Variants in GPC3 observed in about 807,000 individuals in gnomAD.
GPC3 encodes the protein glypican-3.
GPC3 carries 3 observed loss-of-function variants against 34.4 expected under a neutral mutation model. The observed-to-expected ratio is 0.09, with a 90% CI of 0.04 to 0.23. The LOEUF is 0.23. GPC3 is among the 10% of genes least tolerant of loss of function. The pLI is 1.00. For synonymous variants in GPC3, 177 were observed against 174.0 expected (o/e 1.02, Z -0.13); for missense variants, 351 against 445.6 (o/e 0.79, Z 1.91).
chrX:133,771,512 C>T (rs1391325784), intron 2 of GPC3, among the ~76,000 whole-genome samples: 1 of 112,029 alleles, frequency 8.9e-6, no homozygotes, highest in Non-Finnish European at 1.9e-5. Flanking sequence ...ACCTCACTAG[C>T]CTGACCCAAA....
intron 4 of GPC3, among the ~76,000 whole-genome samples, chrX:133,698,440 T>C (rs1293945263): frequency 8.9e-6 from 1 of 112,253 alleles, no homozygotes; most frequent in Non-Finnish European, 1.9e-5. Context: ...TAGCTGTGTG[T>C]TGCAAACTAC....
intron 2 of GPC3, among the ~76,000 whole-genome samples, chrX:133,821,380 AG>A (rs1190507720): frequency 8.9e-6 from 1 of 112,436 alleles, no homozygotes; most frequent in African/African-American, 3.2e-5. Context: ...CATAAAAGTA[AG>A]GAGCAACAGT....
At chrX:133,898,532 A>G (rs931851299) in intron 2 of GPC3, among the ~76,000 whole-genome samples, 1 of 112,234 alleles carries the variant, frequency 8.9e-6, no homozygotes, top group African/African-American at 3.2e-5. Context: ...CTATTTTGCA[A>G]TAAAATTACC....
intron 6 of GPC3, among the ~76,000 whole-genome samples, chrX:133,653,367 C>T (rs767353271): frequency 2.9e-4 from 33 of 111,948 alleles, no homozygotes; most frequent in African/African-American, 9.1e-4. Context: ...AACAACTGAG[C>T]TATCTGGCAC....
At position 133,654,725 on chromosome X, in the gene GPC3, C is replaced by A. The variant is rs202145008; in HGVS notation, c.1413+7005G>T. Among the ~76,000 whole-genome samples the A allele has an allele frequency of 8.3e-3, 905 of 108,536 alleles. 17 individuals are homozygous for A. The highest frequency in any genetic ancestry group is 0.029 in the African/African-American group (832 of 28,560). 94.3% of individuals were successfully genotyped at this position (108,536 alleles called of 115,157 possible). A position where few individuals can be genotyped will look rare whatever the true frequency, so the allele number is the denominator to read the frequency against. On this transcript the variant is annotated intron_variant, in intron 6 of 7. Coordinates refer to ENST00000370818, the MANE Select transcript of GPC3 (RefSeq NM_004484.4). Reference sequence around the variant, plus strand: ...AGACTCCGTCTCAAAAAACAAAAAACAAAAAACAAAAAACGATGCTGCATT... The same window carrying A: ...AGACTCCGTCTCAAAAAACAAAAAAAAAAAAACAAAAAACGATGCTGCATT...
intron 2 of GPC3, among the ~76,000 whole-genome samples, chrX:133,757,738 T>C (rs986540681): frequency 9.0e-6 from 1 of 111,611 alleles, no homozygotes; most frequent in Non-Finnish European, 1.9e-5. Flanking sequence ...GAACTTTTTA[T>C]GTTCCTGGTA....
chrX:133,872,183 G>A (rs907829467), intron 2 of GPC3, among the ~76,000 whole-genome samples: 4 of 111,405 alleles, frequency 3.6e-5, no homozygotes, highest in African/African-American at 1.3e-4. Context: ...TAAGGAACAT[G>A]ACAGGAAGAA....
intron 1 of GPC3, among the ~76,000 whole-genome samples, chrX:133,976,927 TAATAAATAAATA>T (rs3040476): frequency 1.7e-4 from 16 of 94,067 alleles, no homozygotes; most frequent in African/African-American, 2.8e-4. Flanking sequence ...CAAAAAATGA[TAATAAATAAATA>T]AATAAATAAA....
At chrX:133,741,478 C>A (rs764839112) in intron 3 of GPC3, among the ~76,000 whole-genome samples, 1 of 111,217 alleles carries the variant, frequency 9.0e-6, no homozygotes, top group East Asian at 2.8e-4. Flanking sequence ...CCCCATCCTG[C>A]CTCATTCCAG....
At chrX:133,880,083 T>C (rs141543424) in intron 2 of GPC3, among the ~76,000 whole-genome samples, 5 of 111,598 alleles carry the variant, frequency 4.5e-5, no homozygotes, top group South Asian at 3.8e-4. Flanking sequence ...GCTACCTATC[T>C]GAGAGAGAAA....
At chrX:133,610,070 T>C (rs1363479456) in intron 6 of GPC3, among the ~76,000 whole-genome samples, 1 of 112,024 alleles carries the variant, frequency 8.9e-6, no homozygotes, top group African/African-American at 3.2e-5. Flanking sequence ...CTAAGAAGGT[T>C]ATTAGAATTT....
chrX:133,839,619 A>T (rs1436748877), intron 2 of GPC3, among the ~76,000 whole-genome samples: 1 of 110,820 alleles, frequency 9.0e-6, no homozygotes, highest in East Asian at 2.8e-4. Context: ...CAGTTATAAA[A>T]ATCTATATCA....
chrX:133,945,496 A>G (rs966169317), intron 2 of GPC3, among the ~76,000 whole-genome samples: 2 of 111,594 alleles, frequency 1.8e-5, no homozygotes, highest in African/African-American at 6.5e-5. Flanking sequence ...CAGCATGTCT[A>G]TCTGGAGATT....
At chrX:133,555,633 G>C (rs979315268) in intron 7 of GPC3, among the ~76,000 whole-genome samples, 2 of 111,194 alleles carry the variant, frequency 1.8e-5, no homozygotes, top group Admixed American at 1.9e-4. Flanking sequence ...TTCAAGACCA[G>C]CCAGGCCAAC....
intron 2 of GPC3, among the ~76,000 whole-genome samples, chrX:133,830,729 A>C (rs1294004573): frequency 9.2e-6 from 1 of 108,517 alleles, no homozygotes; most frequent in African/African-American, 3.3e-5. Context: ...GAAAGAAAAC[A>C]TAGGAGATGT....
chrX:133,577,092 G>A (rs1244177310), intron 7 of GPC3, among the ~76,000 whole-genome samples: 1 of 111,785 alleles, frequency 8.9e-6, no homozygotes, highest in South Asian at 3.8e-4. Flanking sequence ...TGACTCTAAC[G>A]TTGAGCTACA....
chrX:133,794,608 T>C (rs1183707876), intron 2 of GPC3, among the ~76,000 whole-genome samples: 1 of 111,604 alleles, frequency 9.0e-6, no homozygotes, highest in African/African-American at 3.3e-5. Context: ...CATTGTCTGT[T>C]TCTTCCCCAT....
At chrX:133,748,353 G>A (rs909406503) in intron 3 of GPC3, among the ~76,000 whole-genome samples, 1 of 111,754 alleles carries the variant, frequency 8.9e-6, no homozygotes, top group Non-Finnish European at 1.9e-5. Context: ...TATAAGATGT[G>A]GAATTCAATA....
At chrX:133,887,330 C>T (rs1266534378) in intron 2 of GPC3, among the ~76,000 whole-genome samples, 3 of 112,524 alleles carry the variant, frequency 2.7e-5, no homozygotes, top group Non-Finnish European at 5.6e-5. Flanking sequence ...TCCTCAATAA[C>T]ACTAATCTTT....
Sources: allele counts gnomAD v4.1 joint callset (sites outside exome capture counted in the v4.1 genomes callset), GRCh38; gene constraint gnomAD v4.1.1; transcripts MANE v1.5; gene names NCBI Gene and HGNC (gene_info 2026-07-23, HGNC 2026-07-21).